Variants in OIT3 observed in about 807,000 individuals in gnomAD.
OIT3 encodes the protein oncoprotein-induced transcript 3 protein.
In OIT3, 41 loss-of-function variants were observed where a neutral mutation model predicts 52.2. The observed-to-expected ratio is 0.79, with a 90% CI of 0.61 to 1.02. The LOEUF is 1.02. Among genes scored for constraint, OIT3 ranks in the 50% least tolerant of loss-of-function variants. The pLI is 0.00. For synonymous variants in OIT3, 244 were observed against 276.9 expected (o/e 0.88, Z 1.18); for missense variants, 634 against 715.5 (o/e 0.89, Z 1.30).
intron 6 of OIT3, among the ~76,000 whole-genome samples, chr10:72,922,342 C>T (rs1429601797): frequency 6.6e-6 from 1 of 152,060 alleles, no homozygotes; most frequent in African/African-American, 2.4e-5. Flanking sequence ...AGTCTCTTTA[C>T]ATAATCCCAT....
At chr10:72,906,170 C>A (rs1845977104) in intron 3 of OIT3, among the ~76,000 whole-genome samples, 1 of 152,252 alleles carries the variant, frequency 6.6e-6, no homozygotes, top group African/African-American at 2.4e-5. Flanking sequence ...AATTGCCTTA[C>A]AAAATATTTT....
chr10:72,923,893 G>A (rs1846143251), intron 6 of OIT3, among the ~76,000 whole-genome samples: 1 of 151,972 alleles, frequency 6.6e-6, no homozygotes, highest in Non-Finnish European at 1.5e-5. Flanking sequence ...TCCATCCCAG[G>A]TAGAAATCAA....
At chr10:72,913,532 C>A in intron 6 of OIT3, 64 bp downstream of exon 6, 1 of 1,284,480 alleles carries the variant, frequency 7.8e-7, no homozygotes, top group Non-Finnish European at 1.1e-6. Flanking sequence ...AGGCAGTGGA[C>A]AGAGGTATGC....
intron 4 of OIT3, among the ~76,000 whole-genome samples, chr10:72,910,741 TTA>T (rs1482729457): frequency 1.2e-4 from 19 of 152,320 alleles, no homozygotes; most frequent in Admixed American, 9.2e-4. Context: ...TTTCTTTACT[TTA>T]ACCTAGAACA....
At chr10:72,922,309 G>T (rs116040379) in intron 6 of OIT3, among the ~76,000 whole-genome samples, 2 of 151,512 alleles carry the variant, frequency 1.3e-5, no homozygotes, top group Admixed American at 6.6e-5. Flanking sequence ...GCTCTTTCAG[G>T]TACCCCAATC....
At chr10:72,911,624 C>T in intron 4 of OIT3, 93 bp from the exon 5 acceptor site, 2 of 1,359,848 alleles carry the variant, frequency 1.5e-6, no homozygotes, top group Non-Finnish European at 2.0e-6. Context: ...GGGATGCTGC[C>T]ATAAGTTAAG....
chr10:72,898,648 T>C lies in OIT3; in HGVS notation c.62-16T>C. On this transcript the variant is annotated splice_polypyrimidine_tract_variant and intron_variant, in intron 1 of 8. Transcript: ENST00000334011. ...GAAACACTCCAGGTACTCTGAGGTA[T>C]CTTTTTCATTTCCAGCCCTAGATCC... 2 of 1,590,702 alleles carry C rather than the reference T, an allele frequency of 1.3e-6. No individual in the cohort carries two copies. Among genetic ancestry groups the C allele is most frequent in the Non-Finnish European group, 1.7e-6 (2 of 1,162,808 alleles).
At chr10:72,900,246 C>A in intron 2 of OIT3, 131 bp from the exon 3 acceptor site, 1 of 606,790 alleles carries the variant, frequency 1.6e-6, no homozygotes. Context: ...TGCTTGAGCC[C>A]AGGGGTTCGA....
intron 6 of OIT3, among the ~76,000 whole-genome samples, chr10:72,920,755 G>A (rs1298481208): frequency 1.3e-5 from 2 of 152,102 alleles, no homozygotes; most frequent in Non-Finnish European, 2.9e-5. Context: ...GAATTTCTTA[G>A]TCTTGAGTTC....
chr10:72,898,782 C>T lies in OIT3; in HGVS notation c.180C>T (p.Tyr60=), dbSNP rs1232588737. The change falls in exon 2 of 9, where the codon TAC becomes TAT. Residue 60 remains tyrosine (Y), a synonymous_variant. Coordinates refer to ENST00000334011, the MANE Select transcript of OIT3 (RefSeq NM_152635.3). ...ACAACCATGTGAATGGGGAGTGGTA[C>T]CACTTCACGGGCATGGCGGGAGATG... The part of the protein sequence containing the change: ...LCDNHVNGEW[Y]HFTGMAGDAM... 27 of 1,614,114 alleles carry T rather than the reference C, an allele frequency of 1.7e-5. No individual in the cohort carries two copies. The highest frequency in any genetic ancestry group is 2.2e-5 in the South Asian group (2 of 91,068).
At chr10:72,903,883 TA>T (rs201450450) in intron 3 of OIT3, among the ~76,000 whole-genome samples, 4 of 149,494 alleles carry the variant, frequency 2.7e-5, no homozygotes, top group Admixed American at 6.7e-5. Flanking sequence ...TCTCTCATAT[TA>T]AAAAAAAAAT....
rs1374703886 is a variant in OIT3 at position 72,911,748 on chromosome 10, C to T, written c.699C>T (p.Gly233=). The T allele has an allele frequency of 1.2e-6, 2 of 1,613,652 alleles. No homozygotes were observed. The highest frequency in any genetic ancestry group is 2.2e-5 in the South Asian group (2 of 91,034). The part of the protein sequence containing the change: ...DVEGCHNNNG[G]CSHSCLGSEK... ...AAGGATGCCACAATAACAATGGTGG[C>T]TGCAGCCACTCTTGCCTTGGATCTG... is the stretch of plus-strand genomic sequence containing the variant. Residue 233 remains glycine (G), a synonymous_variant, in exon 5 of 9, where the codon GGC becomes GGT. Transcript: ENST00000334011.
Position 72,893,857 on chromosome 10 carries a change from T to C in OIT3, c.59T>C (p.Val20Ala), listed in dbSNP as rs1459846978. 22 of 1,607,596 alleles carry C rather than the reference T, an allele frequency of 1.4e-5. No homozygotes were observed. Among genetic ancestry groups the C allele is most frequent in the Admixed American group, 1.7e-5 (1 of 59,052 alleles). The stretch of plus-strand genomic sequence containing the variant: ...ATCACAGGCACCTCCGTGTCACCCG[T>C]GGGTGAGTCTCATGTCAAGAACTTG... ...LFITGTSVSP[V>A]ALDPCSAYIS... The change falls in exon 1 of 9, where the codon GTG (valine) becomes GCG (alanine). Residue 20 changes from valine to alanine, a missense_variant and splice_region_variant. By Grantham distance (64) the Val-to-Ala change is moderately conservative. Transcript: ENST00000334011.
At chr10:72,923,462 A>G (rs1441923274) in intron 6 of OIT3, among the ~76,000 whole-genome samples, 1 of 152,058 alleles carries the variant, frequency 6.6e-6, no homozygotes, top group Non-Finnish European at 1.5e-5. Context: ...TGCTTAAAGA[A>G]GCAGTCTAGC....
At chr10:72,899,730 T>C (rs1380707785) in intron 2 of OIT3, among the ~76,000 whole-genome samples, 1 of 150,368 alleles carries the variant, frequency 6.7e-6, no homozygotes, top group African/African-American at 2.5e-5. Flanking sequence ...GATAGATAGA[T>C]AGATAGATAG....
In OIT3 at chr10:72,898,737, T is replaced by C; in HGVS notation, c.135T>C (p.Ser45=). ...WRNTDHQLDE[S]QGPPLCDNHV... is the part of the protein sequence containing the mutation. ...ACACTGACCACCAGTTGGATGAGTC[T>C]CAAGGTCCTCCTCTATGTGACAACC... Residue 45 remains serine, a synonymous_variant, in exon 2 of 9, where the codon TCT becomes TCC. Coordinates refer to ENST00000334011, the MANE Select transcript of OIT3 (RefSeq NM_152635.3). 1 of 1,614,038 alleles carries C rather than the reference T, an allele frequency of 6.2e-7. No homozygotes were observed. The highest frequency in any genetic ancestry group is 8.5e-7 in the Non-Finnish European group (1 of 1,179,920).
intron 7 of OIT3, among the ~76,000 whole-genome samples, chr10:72,925,938 A>G (rs1220400375): frequency 1.3e-5 from 2 of 152,214 alleles, no homozygotes; most frequent in Non-Finnish European, 2.9e-5. Context: ...AGAGAGTTCC[A>G]TGGTATTTCC....
At chr10:72,903,876 C>A (rs974546514) in intron 3 of OIT3, among the ~76,000 whole-genome samples, 5 of 151,848 alleles carry the variant, frequency 3.3e-5, no homozygotes, top group Non-Finnish European at 5.9e-5. Context: ...TTATTTCTCT[C>A]TCATATTAAA....
At position 72,932,544 on chromosome 10, in the gene OIT3, T is replaced by C. The variant is rs1300800019; in HGVS notation, c.*20T>C. 2 of 1,574,668 alleles carry C rather than the reference T, an allele frequency of 1.3e-6. No homozygotes were observed. Among genetic ancestry groups the C allele is most frequent in the South Asian group, 1.2e-5 (1 of 84,356 alleles). ...GACTAGTTCGTAGCCATACCTCGAG[T>C]CCCTGCATTGGACGGCTCTGCTCTT... On this transcript the variant is annotated 3_prime_UTR_variant, in exon 9 of 9. Transcript: ENST00000334011.
Sources: gnomAD v4.1 joint callset for allele counts (sites outside exome capture counted in the v4.1 genomes callset) on GRCh38, gnomAD v4.1.1 for gene constraint, MANE v1.5 for transcripts, NCBI Gene and HGNC (gene_info 2026-07-23, HGNC 2026-07-21) for gene names.